PLXNA4: variants seen among roughly 807,000 people sequenced by gnomAD.
PLXNA4 encodes plexin-A4.
In PLXNA4, 44 loss-of-function variants were observed where a neutral mutation model predicts 191.8. The ratio of observed to expected loss-of-function variants is 0.23; its 90% CI spans 0.18 to 0.29. The LOEUF is 0.29. Ranked by LOEUF, PLXNA4 falls within the 10% of genes least tolerant of loss-of-function variation. The pLI is 1.00. For synonymous variants in PLXNA4, 1,082 were observed against 1,009.5 expected, an observed-to-expected ratio of 1.07 and a Z score of -1.36; for missense variants, 1,800 against 2,488.8, an observed-to-expected ratio of 0.72 and a Z score of 5.89.
At chr7:132,181,193 C>T (rs566714413) in intron 18 of PLXNA4, among the ~76,000 whole-genome samples, 188 bp downstream of exon 18, 9 of 152,238 alleles carry the variant, frequency 5.9e-5, no homozygotes, top group East Asian at 1.9e-4. Flanking sequence ...TGGGTAGAAC[C>T]GGCCCCTAAA....
At chr7:132,608,742 G>A (rs572029956) in intron 2 of PLXNA4, among the ~76,000 whole-genome samples, 3 of 151,934 alleles carry the variant, frequency 2.0e-5, no homozygotes, top group African/African-American at 2.4e-5. Context: ...CTCCACTCTT[G>A]CCTCTCGTGG....
chr7:132,253,358 C>G (rs989359932), intron 4 of PLXNA4, among the ~76,000 whole-genome samples: 4 of 151,816 alleles, frequency 2.6e-5, no homozygotes, highest in African/African-American at 9.7e-5. Flanking sequence ...ACCTCAGCCT[C>G]CTGAGTAGCT....
intron 5 of PLXNA4, among the ~76,000 whole-genome samples, chr7:132,229,267 T>A (rs1798441863): frequency 6.6e-6 from 1 of 152,208 alleles, no homozygotes; most frequent in Admixed American, 6.5e-5. Context: ...TGCTCTGTGC[T>A]GTGTAAAGTG....
chr7:132,624,085 T>C (rs951625781), intron 2 of PLXNA4, among the ~76,000 whole-genome samples: 13 of 152,234 alleles, frequency 8.5e-5, no homozygotes, highest in Admixed American at 7.9e-4. Context: ...CCTACTATGA[T>C]GTAGTCAAGA....
chr7:132,579,150 T>G (rs1479563044), upstream of PLXNA4, among the ~76,000 whole-genome samples: 1 of 152,138 alleles, frequency 6.6e-6, no homozygotes, highest in Non-Finnish European at 1.5e-5. Flanking sequence ...CTTTTAAAAT[T>G]GCTGCATGGG....
intron 2 of PLXNA4, among the ~76,000 whole-genome samples, chr7:132,611,059 G>C (rs979820762): frequency 2.0e-5 from 3 of 152,136 alleles, no homozygotes; most frequent in Admixed American, 6.6e-5. Flanking sequence ...TCTGAGACTG[G>C]CAAGTGAGCC....
chr7:132,557,533 T>C (rs941869431), intron 1 of PLXNA4, among the ~76,000 whole-genome samples: 5 of 53,852 alleles, frequency 9.3e-5, no homozygotes, highest in African/African-American at 1.9e-4. Context: ...AATTTTCCTT[T>C]AATTTATCTT....
At position 132,140,675 on chromosome 7, in the gene PLXNA4, G is replaced by A. The variant is rs1795242338; in HGVS notation, c.5362C>T (p.Arg1788Trp). ...FMDSCSTSEH[R>W]LGKDSPSNKL... ...TTGGAGGGCGAGTCCTTGCCCAGCC[G>A]GTGCTCTGACGTGGAGCAAGAGTCC... is the stretch of plus-strand genomic sequence containing the variant. Residue 1788 changes from arginine to tryptophan, a missense_variant, in exon 30 of 32, where the codon CGG (arginine) becomes TGG (tryptophan). Arg to Trp is a moderately radical substitution (Grantham distance 101). Coordinates refer to ENST00000321063, the MANE Select transcript of PLXNA4 (RefSeq NM_020911.2). 1.2e-6 allele frequency: 2 copies of A among 1,614,018 alleles called. No individual in the cohort carries two copies. Among genetic ancestry groups the A allele is most frequent in the East Asian group, 2.2e-5 (1 of 44,900 alleles).
In PLXNA4 at chr7:132,550,639, T is replaced by C. The variant is rs575910442; in HGVS notation, c.-87+25783A>G. Among the ~76,000 whole-genome samples, 3 of 152,346 alleles carry C rather than the reference T, an allele frequency of 2.0e-5. No homozygotes were observed. The East Asian group carries it at 5.8e-4, about 29-fold the overall frequency. ...ATTTGCAAGGCACCAAGGTCTGCTA[T>C]ACACAATTAACCTCCCCTGTCCTCC... is the stretch of plus-strand genomic sequence containing the variant. On this transcript the variant is annotated intron_variant, in intron 1 of 31. Transcript: ENST00000321063.
chr7:132,429,323 T>C (rs949055078), intron 3 of PLXNA4, among the ~76,000 whole-genome samples: 3 of 152,166 alleles, frequency 2.0e-5, no homozygotes, highest in African/African-American at 7.2e-5. Context: ...AATTCTACCT[T>C]CTTGACCAAA....
intron 3 of PLXNA4, among the ~76,000 whole-genome samples, chr7:132,397,038 G>A (rs1464583508): frequency 6.6e-6 from 1 of 152,250 alleles, no homozygotes. Context: ...AGGGATGGGG[G>A]CTGGGGACAT....
chr7:132,600,056 C>T (rs1322820628), intron 2 of PLXNA4, among the ~76,000 whole-genome samples: 1 of 152,198 alleles, frequency 6.6e-6, no homozygotes, highest in Admixed American at 6.5e-5. Context: ...TGTTTGAATA[C>T]ATTGTTTAAT....
intron 3 of PLXNA4, among the ~76,000 whole-genome samples, chr7:132,349,993 A>C (rs1803417054): frequency 6.6e-6 from 1 of 152,228 alleles, no homozygotes; most frequent in South Asian, 2.1e-4. Context: ...AAGGGAAGGA[A>C]ATGAATGTGT....
intron 10 of PLXNA4, among the ~76,000 whole-genome samples, chr7:132,209,548 G>A (rs1258883960): frequency 6.6e-6 from 1 of 152,104 alleles, no homozygotes; most frequent in Non-Finnish European, 1.5e-5. Context: ...GCCAGGGGAG[G>A]AGGGGGATGG....
intron 3 of PLXNA4, among the ~76,000 whole-genome samples, chr7:132,413,673 C>T (rs1794551830): frequency 6.6e-6 from 1 of 152,162 alleles, no homozygotes; most frequent in East Asian, 1.9e-4. Flanking sequence ...GTGGCCCAGG[C>T]AAAATATTAG....
intron 12 of PLXNA4, 92 bp downstream of exon 12, chr7:132,202,554 A>G (rs1584836432): frequency 1.5e-6 from 2 of 1,312,388 alleles, no homozygotes; most frequent in South Asian, 2.2e-5. Flanking sequence ...CTACTGGGTG[A>G]CCGACACCAC....
chr7:132,410,550 T>C (rs948254449), intron 3 of PLXNA4, among the ~76,000 whole-genome samples: 2 of 152,198 alleles, frequency 1.3e-5, no homozygotes, highest in Non-Finnish European at 2.9e-5. Context: ...TCATGTGCTC[T>C]GTAACTGGGA....
intron 3 of PLXNA4, among the ~76,000 whole-genome samples, chr7:132,440,322 A>G (rs1479677519): frequency 6.6e-6 from 1 of 152,210 alleles, no homozygotes; most frequent in Non-Finnish European, 1.5e-5. Flanking sequence ...GACACAGCAA[A>G]TAACACTACG....
intron 24 of PLXNA4, among the ~76,000 whole-genome samples, chr7:132,162,922 G>A (rs1795993525): frequency 6.6e-6 from 1 of 152,138 alleles, no homozygotes; most frequent in Non-Finnish European, 1.5e-5. Context: ...TCTGGAATTT[G>A]CCCTCAGCTC....
Sources: allele counts gnomAD v4.1 joint callset (sites outside exome capture counted in the v4.1 genomes callset), GRCh38; gene constraint gnomAD v4.1.1; transcripts MANE v1.5; gene names NCBI Gene and HGNC (gene_info 2026-07-23, HGNC 2026-07-21).